The following SBF2 variants were observed in gnomAD, a reference collection of about 807,000 sequenced individuals.
SBF2 encodes myotubularin-related protein 13.
Under a neutral mutation model 225.2 loss-of-function variants are expected in SBF2, and 112 were observed. That is an observed-to-expected ratio of 0.50 (90% CI 0.43 to 0.58). SBF2 has a LOEUF of 0.58. Ranked by LOEUF, SBF2 falls within the 20% of genes least tolerant of loss-of-function variation. SBF2 has a pLI of 0.00. For synonymous variants in SBF2, 763 were observed against 773.3 expected (o/e 0.99, Z 0.22); for missense variants, 1,996 against 2,206.2 (o/e 0.90, Z 1.91).
chr11:10,009,859 T>C (rs892721143), intron 6 of SBF2, among the ~76,000 whole-genome samples: 15 of 143,748 alleles, frequency 1.0e-4, no homozygotes, highest in African/African-American at 3.4e-4. Context: ...TGAACTAATT[T>C]ACACTCCCAA....
chr11:9,928,707 T>A (rs1590488899), intron 16 of SBF2, among the ~76,000 whole-genome samples: 1 of 152,220 alleles, frequency 6.6e-6, no homozygotes, highest in African/African-American at 2.4e-5. Context: ...CAAATATTCA[T>A]TAACATGTGA....
intron 17 of SBF2, among the ~76,000 whole-genome samples, chr11:9,886,653 C>T (rs1421700530): frequency 6.7e-5 from 10 of 150,068 alleles, no homozygotes; most frequent in African/African-American, 2.4e-4. Flanking sequence ...CATCGTGTTC[C>T]TTCTGCCTCC....
At chr11:10,205,657 G>C (rs1409179581) in intron 1 of SBF2, among the ~76,000 whole-genome samples, 1 of 152,066 alleles carries the variant, frequency 6.6e-6, no homozygotes, top group Non-Finnish European at 1.5e-5. Context: ...GCAGGGGATA[G>C]ACAGCCACAG....
Position 9,964,644 on chromosome 11 carries a change from G to A in SBF2, c.1601-762C>T, listed in dbSNP as rs146775713. Among the ~76,000 whole-genome samples the A allele has an allele frequency of 4.1e-4, 63 of 152,238 alleles. 1 individual carries two copies. The highest frequency in any genetic ancestry group is 1.4e-3 in the African/African-American group (58 of 41,562). On this transcript the variant is annotated intron_variant, in intron 14 of 39. Transcript: ENST00000256190. The stretch of plus-strand genomic sequence containing the variant: ...ATCATGATCAATGAACTGTTACACT[G>A]GCTTAGGAAAGTCACTTTTTAGTCA...
At chr11:10,093,103 T>C (rs1333368656) in intron 2 of SBF2, among the ~76,000 whole-genome samples, 1 of 151,676 alleles carries the variant, frequency 6.6e-6, no homozygotes, top group Non-Finnish European at 1.5e-5. Context: ...TGCAACTTCT[T>C]CCTCCTGGGT....
intron 16 of SBF2, among the ~76,000 whole-genome samples, chr11:9,930,517 C>T (rs2134256261): frequency 6.6e-6 from 1 of 152,178 alleles, no homozygotes; most frequent in Non-Finnish European, 1.5e-5. Context: ...TTTTCTTGTA[C>T]AAAAGAGTAC....
chr11:9,852,332 C>A (rs983180022), intron 21 of SBF2, among the ~76,000 whole-genome samples: 50 of 151,936 alleles, frequency 3.3e-4, no homozygotes, highest in Admixed American at 1.2e-3. Flanking sequence ...TGCCTTAAAT[C>A]CTTTTTGGTG....
chr11:10,119,743 TA>T (rs970879565), intron 2 of SBF2, among the ~76,000 whole-genome samples: 2 of 152,114 alleles, frequency 1.3e-5, no homozygotes, highest in African/African-American at 4.8e-5. Flanking sequence ...TATAGGGTCA[TA>T]AAAAAACCAC....
intron 1 of SBF2, among the ~76,000 whole-genome samples, chr11:10,209,922 T>C (rs1957872944): frequency 6.6e-6 from 1 of 152,150 alleles, no homozygotes; most frequent in African/African-American, 2.4e-5. Flanking sequence ...ATCACTCCAC[T>C]ATCTACAGGT....
intron 17 of SBF2, among the ~76,000 whole-genome samples, chr11:9,889,954 A>G (rs1860659592): frequency 6.6e-6 from 1 of 152,040 alleles, no homozygotes; most frequent in African/African-American, 2.4e-5. Context: ...CCCAGGCTGG[A>G]GTGCAATGGC....
chr11:10,020,356 C>T (rs1948804522), intron 6 of SBF2, among the ~76,000 whole-genome samples: 1 of 151,938 alleles, frequency 6.6e-6, no homozygotes, highest in Non-Finnish European at 1.5e-5. Flanking sequence ...CACGTGAAGC[C>T]CCTCCCAGGT....
At chr11:10,131,305 A>G (rs923702022) in intron 2 of SBF2, among the ~76,000 whole-genome samples, 2 of 151,680 alleles carry the variant, frequency 1.3e-5, no homozygotes, top group Non-Finnish European at 2.9e-5. Context: ...GGCTCACTGC[A>G]GCCTTGACCT....
chr11:9,925,140 T>C (rs980372669), intron 16 of SBF2, among the ~76,000 whole-genome samples: 3 of 152,152 alleles, frequency 2.0e-5, no homozygotes, highest in African/African-American at 7.2e-5. Context: ...CTGTATGATG[T>C]GAGCTATATG....
chr11:9,904,791 G>A (rs1372824655), intron 16 of SBF2, among the ~76,000 whole-genome samples: 2 of 152,208 alleles, frequency 1.3e-5, no homozygotes, highest in Non-Finnish European at 2.9e-5. Context: ...TTGGGAGGCC[G>A]AGGTGAGAGG....
intron 2 of SBF2, among the ~76,000 whole-genome samples, chr11:10,063,858 C>CACACACACACACACAG (rs373423157): frequency 1.2e-4 from 16 of 136,172 alleles, no homozygotes; most frequent in African/African-American, 3.5e-4. Flanking sequence ...CACACACACA[C>CACACACACACACACAG]AGAGAGAGAG....
intron 13 of SBF2, among the ~76,000 whole-genome samples, chr11:9,977,796 TC>T (rs1274685800): frequency 6.6e-6 from 1 of 152,126 alleles, no homozygotes; most frequent in Non-Finnish European, 1.5e-5. Flanking sequence ...TTTGGGAAGC[TC>T]CAGAAAGCTA....
At position 9,787,651 on chromosome 11, in the gene SBF2, C is replaced by T; in HGVS notation, c.5020G>A (p.Glu1674Lys). 6.2e-7 allele frequency: 1 copy of T among 1,610,880 alleles called. No homozygotes were observed. Among genetic ancestry groups the T allele is most frequent in the Non-Finnish European group, 8.5e-7 (1 of 1,177,186 alleles). ...CAACTCACGCGATCTGTTCTTGGTT[C>T]TTCTTTAAGGTCCACGGTTACCCTT... ...WERVTVDLKEEPRTDRSQRHL... is the reference protein window; with the variant it reads ...WERVTVDLKEKPRTDRSQRHL... The change falls in exon 36 of 40, where the codon GAA becomes AAA. Residue 1674 changes from glutamate to lysine, a missense_variant. Coordinates refer to ENST00000256190, the MANE Select transcript of SBF2 (RefSeq NM_030962.4).
chr11:9,799,147 A>T (rs1395700456), intron 32 of SBF2, among the ~76,000 whole-genome samples: 4 of 152,206 alleles, frequency 2.6e-5, no homozygotes, highest in Admixed American at 6.5e-5. Context: ...GTAGAATGGA[A>T]ATATGATCTT....
chr11:10,294,120 C>A lies in SBF2; in HGVS notation c.-51G>T. 7.8e-7 allele frequency: 1 copy of A among 1,282,158 alleles called. No individual in the cohort carries two copies. Among genetic ancestry groups the A allele is most frequent in the Non-Finnish European group, 9.9e-7 (1 of 1,007,272 alleles). 79.4% of individuals were successfully genotyped at this position (1,282,158 alleles called of 1,614,324 possible). ...CGGGTCCCCGTCGCCGCCCTCGCCG[C>A]CGCCGCCCACCCGGCCCGGGAGGGC... On this transcript the variant is annotated 5_prime_UTR_variant, in exon 1 of 40. Transcript: ENST00000256190.
Sources: allele counts gnomAD v4.1 joint callset (sites outside exome capture counted in the v4.1 genomes callset), GRCh38; gene constraint gnomAD v4.1.1; transcripts MANE v1.5; gene names NCBI Gene and HGNC (gene_info 2026-07-23, HGNC 2026-07-21).